DOCK10: variants seen among roughly 807,000 people sequenced by gnomAD.
DOCK10 encodes the protein dedicator of cytokinesis 10.
DOCK10 carries 145 observed loss-of-function variants against 280.1 expected under a neutral mutation model. The observed-to-expected ratio is 0.52, with a 90% CI of 0.45 to 0.59. The LOEUF (loss-of-function observed/expected upper bound fraction) is 0.59. Among genes scored for constraint, DOCK10 ranks in the 20% least tolerant of loss-of-function variants. The pLI, the probability that DOCK10 is intolerant of heterozygous loss-of-function variation, is 0.00. For missense variants in DOCK10, 2,368 were observed against 2,651.7 expected, an observed-to-expected ratio of 0.89 and a Z score of 2.35; for synonymous variants, 915 against 942.2, an observed-to-expected ratio of 0.97 and a Z score of 0.53.
chr2:225,038,238 A>G (rs1321622409), intron 1 of DOCK10, among the ~76,000 whole-genome samples: 6 of 151,528 alleles, frequency 4.0e-5, no homozygotes, highest in Non-Finnish European at 5.9e-5. Context: ...TGCATCTAGC[A>G]TATGACTTTT....
chr2:225,029,149 G>T (rs973070789), intron 1 of DOCK10, among the ~76,000 whole-genome samples: 1 of 152,084 alleles, frequency 6.6e-6, no homozygotes, highest in African/African-American at 2.4e-5. Context: ...TTGTGACTCA[G>T]TTTCCTTCTA....
intron 9 of DOCK10, 117 bp from the exon 10 acceptor site, chr2:224,874,466 A>G: frequency 2.2e-6 from 2 of 924,912 alleles, no homozygotes; most frequent in Non-Finnish European, 3.3e-6. Context: ...ATTACCCATT[A>G]ACACTTGGCA....
intron 1 of DOCK10, among the ~76,000 whole-genome samples, chr2:225,007,665 GGT>G (rs1689312257): frequency 6.6e-6 from 1 of 152,130 alleles, no homozygotes; most frequent in Non-Finnish European, 1.5e-5. Flanking sequence ...TGGTGATCCT[GGT>G]TTTCATGGCA....
chr2:225,005,048 G>A (rs901207978), intron 1 of DOCK10, among the ~76,000 whole-genome samples: 1 of 152,126 alleles, frequency 6.6e-6, no homozygotes, highest in Non-Finnish European at 1.5e-5. Context: ...TAGAAAAGAG[G>A]TCATTAGATA....
rs1427573802 is a variant in DOCK10, at chr2:224,886,506, G to A, written c.442C>T (p.Pro148Ser). 18 of 1,609,110 alleles carry A rather than the reference G, an allele frequency of 1.1e-5. No individual in the cohort carries two copies. The highest frequency in any genetic ancestry group is 1.7e-5 in the Admixed American group (1 of 59,882). ...TGGTCAATCTCAAAGGAATGTGAAG[G>A]AAGCTTCTCTGGTTTGTATTCTGCT... Reference protein sequence around the residue: ...PRAEYKPEKLPSHSFEIDHED... With the variant: ...PRAEYKPEKLSSHSFEIDHED... The change falls in exon 5 of 56, where the codon CCT becomes TCT. Residue 148 changes from proline (P) to serine (S), a missense_variant. By Grantham distance (74) the Pro-to-Ser change is moderately conservative. This residue lies in a region of DOCK10 where 1,209 missense variants were observed against 1,250.9 expected (regional missense o/e 0.97). Coordinates refer to ENST00000258390, the MANE Select transcript of DOCK10 (RefSeq NM_014689.3).
chr2:225,016,493 A>G lies in DOCK10; in HGVS notation c.123+25759T>C, dbSNP rs544886301. ...TCTCAAATAGCAATTCCTCTTATAT[A>G]TGTGTATACATATATATGTATATAT... On this transcript the variant is annotated intron_variant, in intron 1 of 55. Coordinates refer to ENST00000258390, the MANE Select transcript of DOCK10 (RefSeq NM_014689.3). Among the ~76,000 whole-genome samples the G allele has an allele frequency of 3.3e-5, 5 of 149,776 alleles. No homozygotes were observed. The South Asian group carries it at 1.1e-3, about 32-fold the overall frequency.
At chr2:224,785,292 CTT>C (rs71774747) in intron 50 of DOCK10, among the ~76,000 whole-genome samples, 1 of 148,626 alleles carries the variant, frequency 6.7e-6, no homozygotes. Flanking sequence ...TCTAAATTTG[CTT>C]TTTTTTTTGG....
intron 12 of DOCK10, 93 bp from the exon 13 acceptor site, chr2:224,864,768 G>A (rs570944092): frequency 2.9e-5 from 46 of 1,585,124 alleles, no homozygotes; most frequent in Non-Finnish European, 3.5e-5. Context: ...CAGCTTTAAG[G>A]GAATTTTTAT....
chr2:224,947,995 T>C (rs1450048545), intron 1 of DOCK10, among the ~76,000 whole-genome samples: 1 of 152,244 alleles, frequency 6.6e-6, no homozygotes, highest in Admixed American at 6.5e-5. Flanking sequence ...ATATTGTGCT[T>C]TGAAATATTA....
intron 1 of DOCK10, among the ~76,000 whole-genome samples, chr2:224,974,413 T>C (rs1705283524): frequency 6.6e-6 from 1 of 152,192 alleles, no homozygotes; most frequent in South Asian, 2.1e-4. Flanking sequence ...ATAAAACAGC[T>C]ATCCACAAGA....
At chr2:224,948,943 C>G (rs1703578480) in intron 1 of DOCK10, among the ~76,000 whole-genome samples, 1 of 152,192 alleles carries the variant, frequency 6.6e-6, no homozygotes, top group South Asian at 2.1e-4. Flanking sequence ...AGTTCTTTAT[C>G]CTAGAGTTCC....
intron 1 of DOCK10, among the ~76,000 whole-genome samples, chr2:225,017,285 C>T (rs2106087701): frequency 6.6e-6 from 1 of 152,092 alleles, no homozygotes; most frequent in East Asian, 1.9e-4. Context: ...TGGAATTAAC[C>T]CACCAATTTT....
chr2:224,772,934 T>C (rs1050374190), intron 53 of DOCK10, among the ~76,000 whole-genome samples: 3 of 152,172 alleles, frequency 2.0e-5, no homozygotes. Context: ...GGAGGAAGAA[T>C]ACATTTTATT....
At chr2:225,014,103 T>G (rs570959907) in intron 1 of DOCK10, among the ~76,000 whole-genome samples, 113 of 146,802 alleles carry the variant, frequency 7.7e-4, no homozygotes, top group South Asian at 4.4e-3. Flanking sequence ...TTTTTGTTTT[T>G]TTTTTTAAGA....
chr2:224,833,586 C>T (rs1232241533), intron 26 of DOCK10, among the ~76,000 whole-genome samples: 2 of 152,048 alleles, frequency 1.3e-5, no homozygotes, highest in African/African-American at 4.8e-5. Context: ...ACTCACAATG[C>T]CCAATTCTTA....
In DOCK10 at chr2:225,042,399, G is replaced by C. The variant is rs1021575141; in HGVS notation, c.-25C>G. On this transcript the variant is annotated 5_prime_UTR_variant, in exon 1 of 56. Coordinates refer to ENST00000258390, the MANE Select transcript of DOCK10 (RefSeq NM_014689.3). This position sits in a 1 kb window ranked among gnomAD's most constrained non-coding sequence, Gnocchi z 5.1. ...TCGCCGGTCACGCCAATCGCGCCGC[G>C]GGCCCGGGGCGCGCCTCCCGCCGGT... The C allele has an allele frequency of 1.5e-5, 19 of 1,233,662 alleles. No individual in the cohort carries two copies. Among genetic ancestry groups the C allele is most frequent in the Non-Finnish European group, 1.8e-5 (18 of 986,728 alleles). The allele number at this position is 1,233,662 out of a possible 1,614,324, so 76.4% of individuals were successfully genotyped here.
At chr2:224,906,809 G>T (rs1485323172) in intron 3 of DOCK10, among the ~76,000 whole-genome samples, 2 of 152,146 alleles carry the variant, frequency 1.3e-5, no homozygotes, top group Non-Finnish European at 2.9e-5. Context: ...TACTCCAGGG[G>T]GTACTTGTCA....
At chr2:224,812,604 T>G (rs1693854517) in intron 31 of DOCK10, among the ~76,000 whole-genome samples, 1 of 152,246 alleles carries the variant, frequency 6.6e-6, no homozygotes, top group Non-Finnish European at 1.5e-5. Flanking sequence ...GCCCATTCAG[T>G]ATGATATTGG....
chr2:224,924,261 T>C (rs560121224), intron 2 of DOCK10, among the ~76,000 whole-genome samples: 2 of 152,312 alleles, frequency 1.3e-5, no homozygotes, highest in Admixed American at 6.5e-5. Flanking sequence ...TGGTTTTTGG[T>C]ATATTCACAG....
Sources: gnomAD v4.1 joint callset for allele counts (sites outside exome capture counted in the v4.1 genomes callset) on GRCh38, gnomAD v4.1.1 for gene constraint, gnomAD v4.1.1 regional missense constraint, Gnocchi (gnomAD v3.1) non-coding constraint, MANE v1.5 for transcripts, NCBI Gene and HGNC (gene_info 2026-07-23, HGNC 2026-07-21) for gene names.